Variants in CDH20 observed in about 807,000 individuals in gnomAD.
The protein encoded by CDH20 is cadherin 20.
A neutral mutation model predicts 74.2 loss-of-function variants in CDH20; 29 were observed. The observed-to-expected ratio is 0.39, with a 90% confidence interval of 0.29 to 0.53. The LOEUF (loss-of-function observed/expected upper bound fraction) is 0.53. Ranked by LOEUF, CDH20 falls within the 20% of genes least tolerant of loss-of-function variation. CDH20 has a pLI of 0.69. For synonymous variants in CDH20, 469 were observed against 405.4 expected (o/e 1.16, Z -1.88); for missense variants, 988 against 1,048.3 (o/e 0.94, Z 0.79).
chr18:61,382,296 T>C (rs1911458158), intron 1 of CDH20, among the ~76,000 whole-genome samples: 1 of 152,204 alleles, frequency 6.6e-6, no homozygotes, highest in Non-Finnish European at 1.5e-5. Context: ...AGGCTAACAA[T>C]AAGAAAGATT....
At chr18:61,389,884 C>T (rs76942243) in intron 1 of CDH20, among the ~76,000 whole-genome samples, 11,604 of 152,228 alleles carry the variant, frequency 0.076, 515 homozygotes, top group East Asian at 0.11. Flanking sequence ...GCAAGCATCT[C>T]CTTTCTCTTC....
chr18:61,385,929 CAAA>C (rs201684632), intron 1 of CDH20, among the ~76,000 whole-genome samples: 9 of 66,134 alleles, frequency 1.4e-4, no homozygotes, highest in East Asian at 4.6e-4. Flanking sequence ...GACTTTGTCT[CAAA>C]AAAAAAAAAA....
intron 1 of CDH20, among the ~76,000 whole-genome samples, chr18:61,403,999 C>T (rs1912242493): frequency 1.3e-5 from 2 of 152,142 alleles, no homozygotes. Flanking sequence ...CCAAACAACA[C>T]ATGTTCTCAC....
intron 1 of CDH20, among the ~76,000 whole-genome samples, chr18:61,425,117 T>C (rs921134244): frequency 6.6e-6 from 1 of 150,470 alleles, no homozygotes; most frequent in African/African-American, 2.4e-5. Flanking sequence ...CTCAACTCCT[T>C]CCCTCCCTGC....
At position 61,469,398 on chromosome 18, in the gene CDH20, CACACA is replaced by C. The variant is rs1171133891; in HGVS notation, c.-152-21003_-152-20999del. ...ACACACACACACACACACACACACA[CACACA>C]CCCCTATATAAATAACATTATTTTA... On this transcript the variant is annotated intron_variant, in intron 1 of 11. Transcript: ENST00000262717. Among the ~76,000 whole-genome samples, 20 of 150,276 alleles carry C rather than the reference CACACA, an allele frequency of 1.3e-4. No homozygotes were observed. In the East Asian group the frequency reaches 1.4e-3, roughly 10 times the overall value.
chr18:61,426,219 G>GA (rs977310239), intron 1 of CDH20, among the ~76,000 whole-genome samples: 2 of 151,816 alleles, frequency 1.3e-5, no homozygotes, highest in African/African-American at 4.8e-5. Flanking sequence ...AATAAAATGG[G>GA]AAAAAGAGAG....
At chr18:61,400,259 G>A (rs893396019) in intron 1 of CDH20, among the ~76,000 whole-genome samples, 12 of 152,158 alleles carry the variant, frequency 7.9e-5, no homozygotes, top group African/African-American at 2.7e-4. Flanking sequence ...GGCAAAGGAG[G>A]TCCATGGGGC....
intron 1 of CDH20, among the ~76,000 whole-genome samples, chr18:61,457,820 T>C (rs1186877114): frequency 2.6e-5 from 4 of 152,184 alleles, no homozygotes; most frequent in Non-Finnish European, 5.9e-5. Flanking sequence ...CTCCAGCCTC[T>C]ACCCCACCCC....
chr18:61,375,676 T>G (rs1911197094), intron 1 of CDH20, among the ~76,000 whole-genome samples: 1 of 152,140 alleles, frequency 6.6e-6, no homozygotes, highest in African/African-American at 2.4e-5. Flanking sequence ...CCAACTCAAG[T>G]GTCACCCATT....
chr18:61,490,697 A>G lies in CDH20; in HGVS notation c.144A>G (p.Ser48=). 6.2e-7 allele frequency: 1 copy of G among 1,614,184 alleles called. No homozygotes were observed. Among genetic ancestry groups the G allele is most frequent in the Non-Finnish European group, 8.5e-7 (1 of 1,180,040 alleles). The change falls in exon 2 of 12, where the codon TCA becomes TCG. Residue 48 remains serine (S), a synonymous_variant. Coordinates refer to ENST00000262717, the MANE Select transcript of CDH20 (RefSeq NM_031891.4). ...AAGGTGAATTAGAAGCACTCCTGTC[A>G]GACAAGCCACAGTCACATCAGCGGA... ...TPQGELEALL[S]DKPQSHQRTK...
Position 61,365,529 on chromosome 18 carries a change from T to C in CDH20, c.-153+31702T>C, listed in dbSNP as rs567732634. On this transcript the variant is annotated intron_variant, in intron 1 of 11. Transcript: ENST00000262717. ...CCAGGAATAAAAAAGGTCCACTGAG[T>C]AAAAATAGGAGTTTTAATCAAAGGT... 2.6e-5 allele frequency among the ~76,000 whole-genome samples: 4 copies of C among 152,232 alleles called. No individual in the cohort carries two copies. In the East Asian group the frequency reaches 7.7e-4, roughly 29 times the overall value.
At chr18:61,518,165 C>T (rs953620159) in intron 6 of CDH20, among the ~76,000 whole-genome samples, 1 of 152,142 alleles carries the variant, frequency 6.6e-6, no homozygotes, top group African/African-American at 2.4e-5. Context: ...GAAAAAACAC[C>T]TGGGGGAAGG....
chr18:61,335,586 G>A (rs1744093393), intron 1 of CDH20, among the ~76,000 whole-genome samples: 1 of 152,190 alleles, frequency 6.6e-6, no homozygotes, highest in Admixed American at 6.5e-5. Flanking sequence ...CATCTACTGA[G>A]GCTCTGGCCA....
In CDH20 at chr18:61,554,500, G is replaced by A. The variant is rs1402609922; in HGVS notation, c.2211G>A (p.Leu737=). ...AGCTCTACGAGGCCGACATGGACCT[G>A]TGGGCACCGCCCTTCGACTCCCTCC... is the stretch of plus-strand genomic sequence containing the variant. ...LAKLYEADMD[L]WAPPFDSLQT... Residue 737 remains leucine (L), a synonymous_variant, in exon 12 of 12, where the codon CTG becomes CTA. Coordinates refer to ENST00000262717, the MANE Select transcript of CDH20 (RefSeq NM_031891.4). 9 of 1,612,800 alleles carry A rather than the reference G, an allele frequency of 5.6e-6. No homozygotes were observed. Among genetic ancestry groups the A allele is most frequent in the Admixed American group, 1.7e-5 (1 of 59,934 alleles).
chr18:61,455,721 A>G (rs1340168918), intron 1 of CDH20, among the ~76,000 whole-genome samples: 1 of 152,200 alleles, frequency 6.6e-6, no homozygotes, highest in Non-Finnish European at 1.5e-5. Context: ...ATCTTCTAAG[A>G]GATTCTACAA....
intron 1 of CDH20, among the ~76,000 whole-genome samples, chr18:61,424,449 GATT>G (rs754965616): frequency 6.6e-5 from 10 of 152,172 alleles, no homozygotes; most frequent in Non-Finnish European, 1.3e-4. Context: ...TGTTAGCACT[GATT>G]ATTATTTGTG....
chr18:61,457,499 T>G (rs1656274476), intron 1 of CDH20, among the ~76,000 whole-genome samples: 1 of 152,080 alleles, frequency 6.6e-6, no homozygotes, highest in African/African-American at 2.4e-5. Flanking sequence ...GCAGAGGCAC[T>G]CCCTACTTAA....
intron 1 of CDH20, among the ~76,000 whole-genome samples, chr18:61,341,387 C>T (rs1027771297): frequency 2.6e-5 from 4 of 151,106 alleles, no homozygotes; most frequent in Non-Finnish European, 5.9e-5. Flanking sequence ...TTCATAAGGG[C>T]TGTATCTACC....
intron 1 of CDH20, among the ~76,000 whole-genome samples, chr18:61,488,052 G>A (rs2144291409): frequency 6.8e-6 from 1 of 147,684 alleles, no homozygotes; most frequent in African/African-American, 2.5e-5. Context: ...AGACATTAAG[G>A]GGAATACACT....
Sources: allele counts gnomAD v4.1 joint callset (sites outside exome capture counted in the v4.1 genomes callset), GRCh38; gene constraint gnomAD v4.1.1; transcripts MANE v1.5; gene names NCBI Gene and HGNC (gene_info 2026-07-23, HGNC 2026-07-21).